EPAS1: variants seen among roughly 807,000 people sequenced by gnomAD.
EPAS1 encodes endothelial PAS domain protein 1.
Under a neutral mutation model 87.9 loss-of-function variants are expected in EPAS1, and 23 were observed. That is an observed-to-expected ratio of 0.26 (90% CI 0.19 to 0.37). EPAS1 has a LOEUF of 0.37. Among genes scored for constraint, EPAS1 ranks in the 10% least tolerant of loss-of-function variants. The pLI, the probability that EPAS1 is intolerant of heterozygous loss-of-function variation, is 1.00. For synonymous variants in EPAS1, 508 were observed against 444.3 expected, an observed-to-expected ratio of 1.14 and a Z score of -1.80; for missense variants, 1,138 against 1,120.7, an observed-to-expected ratio of 1.02 and a Z score of -0.22.
intron 6 of EPAS1, among the ~76,000 whole-genome samples, chr2:46,368,564 G>T (rs1684553483): frequency 6.6e-6 from 1 of 152,140 alleles, no homozygotes; most frequent in African/African-American, 2.4e-5. Flanking sequence ...GGGCAATTTG[G>T]TCTGACAGAT....
At chr2:46,363,771 C>G (rs1451362279) in intron 6 of EPAS1, among the ~76,000 whole-genome samples, 2 of 152,184 alleles carry the variant, frequency 1.3e-5, no homozygotes. Flanking sequence ...AGACACACTG[C>G]ATTTTCAGCA....
chr2:46,324,909 T>G (rs779170048), intron 1 of EPAS1, among the ~76,000 whole-genome samples: 84 of 152,392 alleles, frequency 5.5e-4, no homozygotes, highest in Non-Finnish European at 9.6e-4. Context: ...CTTTCTTCTA[T>G]CTCACCCAGC....
intron 4 of EPAS1, among the ~76,000 whole-genome samples, chr2:46,359,583 C>T (rs1684347481): frequency 6.6e-6 from 1 of 152,236 alleles, no homozygotes; most frequent in East Asian, 1.9e-4. Flanking sequence ...GAGTGGGGTC[C>T]CCTAAGGATG....
intron 2 of EPAS1, among the ~76,000 whole-genome samples, chr2:46,355,476 C>T (rs1007107022): frequency 6.6e-6 from 1 of 152,176 alleles, no homozygotes; most frequent in Non-Finnish European, 1.5e-5. Context: ...AATGGCTTAA[C>T]CTCTCTACAC....
At chr2:46,376,089 C>T (rs945979315) in intron 8 of EPAS1, among the ~76,000 whole-genome samples, 1 of 152,032 alleles carries the variant, frequency 6.6e-6, no homozygotes, top group African/African-American at 2.4e-5. Flanking sequence ...ATGCATCTGA[C>T]CCAGGTGGGG....
intron 1 of EPAS1, among the ~76,000 whole-genome samples, chr2:46,305,482 A>T (rs937504878): frequency 7.9e-5 from 12 of 152,156 alleles, no homozygotes; most frequent in Non-Finnish European, 4.4e-5. Flanking sequence ...ACTTGGAAAG[A>T]TTCCTCAGTT....
chr2:46,373,464 C>G (rs868754104), intron 7 of EPAS1, among the ~76,000 whole-genome samples: 1 of 152,196 alleles, frequency 6.6e-6, no homozygotes, highest in Non-Finnish European at 1.5e-5. Context: ...GAATAAACCA[C>G]AAATGCCTGC....
At chr2:46,323,063 G>A (rs778802775) in intron 1 of EPAS1, among the ~76,000 whole-genome samples, 11 of 152,324 alleles carry the variant, frequency 7.2e-5, no homozygotes, top group Middle Eastern at 3.4e-3. Context: ...AGGGAAGAGC[G>A]TGGTAGATTG....
rs770846759 is a variant in EPAS1, at chr2:46,297,976, G to T, written c.26+39G>T. 4 of 1,608,116 alleles carry T rather than the reference G, an allele frequency of 2.5e-6. No homozygotes were observed. In the African/African-American group the frequency reaches 5.3e-5, roughly 22 times the overall value. ...CGGGCCGATCAGGGGGCCGGTCCGA[G>T]GCCAGGGCCGGGCTGCGCGGGGCAG... On this transcript the variant is annotated intron_variant, in intron 1 of 15. Coordinates refer to ENST00000263734, the MANE Select transcript of EPAS1 (RefSeq NM_001430.5).
intron 1 of EPAS1, among the ~76,000 whole-genome samples, chr2:46,303,917 G>C (rs768000345): frequency 2.6e-5 from 4 of 152,172 alleles, no homozygotes; most frequent in Non-Finnish European, 4.4e-5. Flanking sequence ...GTTCTGAGGT[G>C]CCGCTTAATC....
chr2:46,323,644 A>G (rs1245033922), intron 1 of EPAS1, among the ~76,000 whole-genome samples: 1 of 152,246 alleles, frequency 6.6e-6, no homozygotes, highest in Non-Finnish European at 1.5e-5. Context: ...TCTGAGTCCC[A>G]AAGTCATCCA....
chr2:46,307,015 A>G (rs943961447), intron 1 of EPAS1, among the ~76,000 whole-genome samples: 3 of 152,246 alleles, frequency 2.0e-5, no homozygotes, highest in African/African-American at 7.2e-5. Flanking sequence ...CACTTTCCAC[A>G]GATTGGAGTA....
At chr2:46,325,084 C>A (rs1468008404) in intron 1 of EPAS1, among the ~76,000 whole-genome samples, 2 of 152,254 alleles carry the variant, frequency 1.3e-5, no homozygotes, top group African/African-American at 4.8e-5. Flanking sequence ...GCAGGGAAAT[C>A]TCCTGAGGAC....
intron 2 of EPAS1, among the ~76,000 whole-genome samples, chr2:46,350,902 C>A (rs1490989095): frequency 6.6e-6 from 1 of 152,192 alleles, no homozygotes; most frequent in Non-Finnish European, 1.5e-5. Context: ...TTTTCCTGAT[C>A]TCTAGACTAC....
intron 1 of EPAS1, among the ~76,000 whole-genome samples, chr2:46,311,111 C>G (rs1021975929): frequency 2.6e-5 from 4 of 152,174 alleles, no homozygotes; most frequent in African/African-American, 9.7e-5. Context: ...ATCTCCTGAC[C>G]TGTGATCCAC....
At chr2:46,348,935 G>A (rs935778441) in intron 2 of EPAS1, among the ~76,000 whole-genome samples, 5 of 152,268 alleles carry the variant, frequency 3.3e-5, no homozygotes, top group Non-Finnish European at 5.9e-5. Context: ...ATTTGGACTC[G>A]TTGTGTTTCT....
chr2:46,325,504 T>C (rs1572621044), intron 1 of EPAS1, among the ~76,000 whole-genome samples: 1 of 152,214 alleles, frequency 6.6e-6, no homozygotes. Flanking sequence ...TGACTCACTT[T>C]GGTGGTGACC....
intron 7 of EPAS1, among the ~76,000 whole-genome samples, chr2:46,374,113 C>T (rs1684683064): frequency 6.6e-6 from 1 of 152,216 alleles, no homozygotes; most frequent in African/African-American, 2.4e-5. Context: ...GGAATTCTTG[C>T]ACTTTGCAGG....
chr2:46,308,396 A>G (rs916841223), intron 1 of EPAS1, among the ~76,000 whole-genome samples: 3 of 140,486 alleles, frequency 2.1e-5, no homozygotes, highest in Non-Finnish European at 1.5e-5. Context: ...ACAATATAGC[A>G]TGTTCCTGAA....
Sources: gnomAD v4.1 joint callset for allele counts (sites outside exome capture counted in the v4.1 genomes callset) on GRCh38, gnomAD v4.1.1 for gene constraint, MANE v1.5 for transcripts, NCBI Gene and HGNC (gene_info 2026-07-23, HGNC 2026-07-21) for gene names.